TGM4: variants seen among roughly 807,000 people sequenced by gnomAD.
TGM4 encodes the protein protein-glutamine gamma-glutamyltransferase 4.
In TGM4, 61 loss-of-function variants were observed where a neutral mutation model predicts 76.3. The ratio of observed to expected loss-of-function variants is 0.80; its 90% confidence interval spans 0.65 to 0.99. The LOEUF (loss-of-function observed/expected upper bound fraction) is 0.99, where lower values mean the gene tolerates loss of function less well. Among genes scored for constraint, TGM4 ranks in the 50% least tolerant of loss-of-function variants. The pLI, the probability that TGM4 is intolerant of heterozygous loss-of-function variation, is 0.00. For synonymous variants in TGM4, 337 were observed against 329.8 expected (o/e 1.02, Z -0.24); for missense variants, 794 against 843.2 (o/e 0.94, Z 0.72).
chr3:44,895,950 G>A (rs1229921422), intron 5 of TGM4, among the ~76,000 whole-genome samples: 1 of 152,166 alleles, frequency 6.6e-6, no homozygotes, highest in Non-Finnish European at 1.5e-5. Context: ...CAGAAATGTG[G>A]AAAGAAAATA....
chr3:44,877,730 T>C (rs1284426785), intron 1 of TGM4, among the ~76,000 whole-genome samples: 2 of 152,258 alleles, frequency 1.3e-5, no homozygotes, highest in African/African-American at 4.8e-5. Flanking sequence ...GGAGTATCAC[T>C]GGTGCAGTCG....
chr3:44,898,867 G>T (rs946709811), intron 6 of TGM4, among the ~76,000 whole-genome samples: 3 of 152,126 alleles, frequency 2.0e-5, no homozygotes, highest in Admixed American at 1.3e-4. Flanking sequence ...CCCCATGCTG[G>T]TATGTTCATT....
chr3:44,902,576 G>A (rs1023616431), intron 8 of TGM4, among the ~76,000 whole-genome samples: 2 of 152,186 alleles, frequency 1.3e-5, no homozygotes, highest in African/African-American at 2.4e-5. Flanking sequence ...CTCCAGCCTG[G>A]TGACAGAGCT....
In TGM4 at chr3:44,896,746, T is replaced by G; in HGVS notation, c.587T>G (p.Leu196Arg). The change falls in exon 6 of 14, where the codon CTG becomes CGG. Residue 196 changes from leucine (L) to arginine (R), a missense_variant. Transcript: ENST00000296125. ...GTCCTGGACTGCTGCATTTCCCTGCTGACTGAGAGCTCCCTCAAGCCCACA... is the reference window on the plus strand; with the variant it reads ...GTCCTGGACTGCTGCATTTCCCTGCGGACTGAGAGCTCCCTCAAGCCCACA... Reference protein sequence around the residue: ...KNVLDCCISLLTESSLKPTDR... With the variant: ...KNVLDCCISLRTESSLKPTDR... 1 of 1,614,230 alleles carries G rather than the reference T, an allele frequency of 6.2e-7. No individual in the cohort carries two copies. The highest frequency in any genetic ancestry group is 8.5e-7 in the Non-Finnish European group (1 of 1,180,038).
At chr3:44,905,451 C>A (rs1699909845) in intron 9 of TGM4, among the ~76,000 whole-genome samples, 1 of 152,208 alleles carries the variant, frequency 6.6e-6, no homozygotes, top group South Asian at 2.1e-4. Flanking sequence ...AAGTAGATGT[C>A]TCTCAAGGTT....
At position 44,876,092 on chromosome 3, in the gene TGM4, C is replaced by T. The variant is rs531429747; in HGVS notation, c.19+1395C>T. 5.9e-5 allele frequency among the ~76,000 whole-genome samples: 9 copies of T among 152,328 alleles called. No individual in the cohort carries two copies. The South Asian group carries it at 1.9e-3, about 32-fold the overall frequency. ...CACTGTCATTTTCAAGAGGTGTGAC[C>T]TGTTCACTGGGGAGGTTTGATGACT... On this transcript the variant is annotated intron_variant, in intron 1 of 13. Coordinates refer to ENST00000296125, the MANE Select transcript of TGM4 (RefSeq NM_003241.4).
chr3:44,903,131 C>T (rs762914892), intron 8 of TGM4, among the ~76,000 whole-genome samples: 43 of 152,338 alleles, frequency 2.8e-4, no homozygotes, highest in Non-Finnish European at 3.7e-4. Context: ...ATTTTTTCAA[C>T]TGAGTACAGG....
chr3:44,882,682 C>G (rs1176998074), intron 1 of TGM4, among the ~76,000 whole-genome samples: 1 of 152,186 alleles, frequency 6.6e-6, no homozygotes, highest in Non-Finnish European at 1.5e-5. Flanking sequence ...TAGGTCCTAC[C>G]TGGATAATCC....
At chr3:44,880,698 T>C (rs79729878) in intron 1 of TGM4, among the ~76,000 whole-genome samples, 2,974 of 152,328 alleles carry the variant, frequency 0.02, 51 homozygotes, top group Middle Eastern at 0.065. Flanking sequence ...TAGCAATTAG[T>C]TGTGACATGT....
In TGM4 at chr3:44,895,779, C is replaced by T. The variant is rs184799640; in HGVS notation, c.550-930C>T. 8.5e-4 allele frequency among the ~76,000 whole-genome samples: 130 copies of T among 152,304 alleles called. 1 individual carries two copies. Among genetic ancestry groups the T allele is most frequent in the African/African-American group, 3.1e-3 (127 of 41,572 alleles). On this transcript the variant is annotated intron_variant, in intron 5 of 13. Coordinates refer to ENST00000296125, the MANE Select transcript of TGM4 (RefSeq NM_003241.4). ...TCAGGTTACAAAAGTAACACATGTA[C>T]TTCAACTCTGTAAATATACAGATAT...
rs558548686 is a variant in TGM4 at position 44,901,369 on chromosome 3, T to G, written c.658-155T>G. On this transcript the variant is annotated intron_variant, in intron 6 of 13. Coordinates refer to ENST00000296125, the MANE Select transcript of TGM4 (RefSeq NM_003241.4). ...AACAGCTGGCATGCTCCTTGGCCCT[T>G]CTGGGCACCCCACCTGTTCTGGAAA... Among the ~76,000 whole-genome samples, 47 of 152,332 alleles carry G rather than the reference T, an allele frequency of 3.1e-4. 2 individuals are homozygous for G. In the South Asian group the frequency reaches 9.7e-3, roughly 32 times the overall value.
intron 5 of TGM4, among the ~76,000 whole-genome samples, chr3:44,895,465 A>C (rs1331694009): frequency 6.6e-6 from 1 of 152,104 alleles, no homozygotes; most frequent in Admixed American, 6.5e-5. Context: ...GGTCTCTATA[A>C]AAAATAAACA....
chr3:44,896,133 C>G (rs1699775123), intron 5 of TGM4, among the ~76,000 whole-genome samples: 1 of 151,948 alleles, frequency 6.6e-6, no homozygotes, highest in African/African-American at 2.4e-5. Flanking sequence ...TTTTTTGAGA[C>G]AGAGTTTTGC....
At chr3:44,878,924 T>C (rs1352134254) in intron 1 of TGM4, among the ~76,000 whole-genome samples, 6 of 152,278 alleles carry the variant, frequency 3.9e-5, no homozygotes, top group African/African-American at 1.4e-4. Context: ...AACTATAGTA[T>C]ATAGTTTAGC....
At chr3:44,877,302 G>C (rs1699463018) in intron 1 of TGM4, among the ~76,000 whole-genome samples, 2 of 152,104 alleles carry the variant, frequency 1.3e-5, no homozygotes, top group African/African-American at 4.8e-5. Flanking sequence ...ACAAAAATTA[G>C]CCGGGTGTGG....
intron 2 of TGM4, among the ~76,000 whole-genome samples, chr3:44,886,306 A>C (rs1699606744): frequency 6.6e-6 from 1 of 152,162 alleles, no homozygotes; most frequent in African/African-American, 2.4e-5. Flanking sequence ...GTGTCATTGC[A>C]CTTCATCCTG....
intron 8 of TGM4, among the ~76,000 whole-genome samples, chr3:44,902,471 G>A (rs562421856): frequency 6.6e-6 from 1 of 152,214 alleles, no homozygotes; most frequent in African/African-American, 2.4e-5. Flanking sequence ...ATAGTGGCAC[G>A]TGCCTGTAAT....
At chr3:44,892,424 G>A (rs373079931) in intron 4 of TGM4, among the ~76,000 whole-genome samples, 51 of 145,180 alleles carry the variant, frequency 3.5e-4, no homozygotes, top group East Asian at 3.3e-3. Context: ...GTGCAATGGC[G>A]CAATGGTGCG....
intron 13 of TGM4, 125 bp from the exon 14 acceptor site, chr3:44,913,459 G>C: frequency 8.0e-7 from 1 of 1,245,736 alleles, no homozygotes; most frequent in Non-Finnish European, 1.1e-6. Context: ...GCCCTGGAAT[G>C]GCCAGGACTT....
Sources: gnomAD v4.1 joint callset for allele counts (sites outside exome capture counted in the v4.1 genomes callset) on GRCh38, gnomAD v4.1.1 for gene constraint, MANE v1.5 for transcripts, NCBI Gene and HGNC (gene_info 2026-07-23, HGNC 2026-07-21) for gene names.